The following ABCA4 variants were observed in gnomAD, a reference collection of about 807,000 sequenced individuals.
ABCA4 encodes the protein retinal-specific phospholipid-transporting ATPase ABCA4.
ABCA4 carries 196 observed loss-of-function variants against 263.7 expected under a neutral mutation model. The observed-to-expected ratio is 0.74, with a 90% confidence interval of 0.66 to 0.84. The LOEUF is 0.84. Among genes scored for constraint, ABCA4 ranks in the 40% least tolerant of loss-of-function variants. ABCA4 has a pLI of 0.00. For missense variants in ABCA4, 2,792 were observed against 2,855.1 expected (o/e 0.98, Z 0.50); for synonymous variants, 1,133 against 1,094.2 (o/e 1.04, Z -0.70).
chr1:94,044,885 G>A (rs1287490665), intron 19 of ABCA4, 141 bp from the exon 20 acceptor site: 3 of 1,323,920 alleles, frequency 2.3e-6, no homozygotes, highest in African/African-American at 2.9e-5. Context: ...CCTATTAGCT[G>A]TGGGGCCCCC....
chr1:94,046,796 T>C, intron 19 of ABCA4, 123 bp downstream of exon 19: 2 of 1,239,942 alleles, frequency 1.6e-6, no homozygotes, highest in Non-Finnish European at 2.3e-6. Flanking sequence ...TTACACATTT[T>C]TGGGGCCGCA....
At chr1:94,116,958 TTCTTTCTTTC>T (rs769221972) in intron 1 of ABCA4, among the ~76,000 whole-genome samples, 1,781 of 127,648 alleles carry the variant, frequency 0.014, 28 homozygotes, top group East Asian at 0.064. Flanking sequence ...CCTCCCTCCT[TTCTTTCTTTC>T]TCTTTCTTTC....
In ABCA4 at chr1:94,007,672, G is replaced by A; in HGVS notation, c.5967C>T (p.Thr1989=). The change falls in exon 43 of 50, where the codon ACC becomes ACT. Residue 1989 remains threonine, a synonymous_variant. Coordinates refer to ENST00000370225, the MANE Select transcript of ABCA4 (RefSeq NM_000350.3). ...CGGTGGCATCCCCTGAGGTCACTGTGGTGTCCCCAGTGAGCATCTTGAATG... is the reference window on the plus strand; with the variant it reads ...CGGTGGCATCCCCTGAGGTCACTGTAGTGTCCCCAGTGAGCATCTTGAATG... ...TTTFKMLTGD[T]TVTSGDATVA... is the part of the protein sequence containing the mutation. 2 of 1,614,058 alleles carry A rather than the reference G, an allele frequency of 1.2e-6. No individual in the cohort carries two copies. The highest frequency in any genetic ancestry group is 1.7e-6 in the Non-Finnish European group (2 of 1,180,026).
chr1:94,074,212 A>G lies in ABCA4; in HGVS notation c.1554+3478T>C, dbSNP rs555801886. 3.3e-4 allele frequency among the ~76,000 whole-genome samples: 51 copies of G among 152,318 alleles called. No homozygotes were observed. In the East Asian group the frequency reaches 9.4e-3, roughly 28 times the overall value. ...ACAGAGGCTTCAGAAATAGCACCAC[A>G]CATCTACAACCACCTGATCTTTGCC... On this transcript the variant is annotated intron_variant, in intron 11 of 49. Coordinates refer to ENST00000370225, the MANE Select transcript of ABCA4 (RefSeq NM_000350.3).
intron 6 of ABCA4, among the ~76,000 whole-genome samples, chr1:94,096,233 C>T (rs1662122028): frequency 6.6e-6 from 1 of 152,210 alleles, no homozygotes; most frequent in Non-Finnish European, 1.5e-5. Flanking sequence ...CCTAGGCCAG[C>T]TGACTCAGAA....
intron 17 of ABCA4, among the ~76,000 whole-genome samples, chr1:94,050,790 GA>G (rs1239865584): frequency 6.6e-6 from 1 of 150,984 alleles, no homozygotes; most frequent in Admixed American, 6.6e-5. Flanking sequence ...AAGAAAAAAA[GA>G]AAAAAAAAGA....
At chr1:93,996,048 C>T in intron 49 of ABCA4, 61 bp downstream of exon 49, 1 of 1,497,610 alleles carries the variant, frequency 6.7e-7, no homozygotes, top group South Asian at 1.1e-5. Flanking sequence ...CCCAGTGAAC[C>T]AGCTGGGCTC....
At chr1:94,017,829 T>G (rs1406894891) in intron 36 of ABCA4, among the ~76,000 whole-genome samples, 1 of 152,236 alleles carries the variant, frequency 6.6e-6, no homozygotes, top group Non-Finnish European at 1.5e-5. Context: ...CTTGTGACTT[T>G]TCCATAAGTC....
intron 8 of ABCA4, among the ~76,000 whole-genome samples, 190 bp from the exon 9 acceptor site, chr1:94,079,651 T>C (rs775979719): frequency 6.6e-6 from 1 of 152,170 alleles, no homozygotes; most frequent in Non-Finnish European, 1.5e-5. Flanking sequence ...ACAGTGACTC[T>C]CAGTAATGGC....
Position 94,054,632 on chromosome 1 carries a change from G to A in ABCA4, c.2587+479C>T, listed in dbSNP as rs534216842. 2.0e-5 allele frequency among the ~76,000 whole-genome samples: 3 copies of A among 152,316 alleles called. No homozygotes were observed. The South Asian group carries it at 6.2e-4, about 32-fold the overall frequency. On this transcript the variant is annotated intron_variant, in intron 16 of 49. Transcript: ENST00000370225. ...GTATTAAACAGTCAGTAAGGAGGCC[G>A]ACGTGGCTGGAGCAGAGGAACATGG...
At chr1:94,025,328 C>T (rs1031057623) in intron 30 of ABCA4, among the ~76,000 whole-genome samples, 5 of 152,168 alleles carry the variant, frequency 3.3e-5, no homozygotes, top group African/African-American at 1.2e-4. Flanking sequence ...CCACGCTACC[C>T]AAGCCACCAC....
Position 94,080,502 on chromosome 1 carries a change from T to A in ABCA4, c.1075A>T (p.Ile359Phe). Residue 359 changes from isoleucine to phenylalanine, a missense_variant, in exon 8 of 50, where the codon ATC becomes TTC. Transcript: ENST00000370225. ...LGIDSTRKDPIYSYDRRTTSF... is the reference protein window; with the variant it reads ...LGIDSTRKDPFYSYDRRTTSF... The stretch of plus-strand genomic sequence containing the variant: ...CTTGTTCTTCTGTCATAAGAATAGA[T>A]AGGATCCTTCCTTGTGGAGTCAATC... 6.2e-7 allele frequency: 1 copy of A among 1,614,202 alleles called. No homozygotes were observed.
Position 94,079,602 on chromosome 1 carries a change from C to T in ABCA4, c.1100-141G>A, listed in dbSNP as rs1367343015. On this transcript the variant is annotated intron_variant, in intron 8 of 49. Coordinates refer to ENST00000370225, the MANE Select transcript of ABCA4 (RefSeq NM_000350.3). ...GAATAACCTAAATTAATAGGCTGTA[C>T]CCCACCAATAACAAGCTCATCATTA... 6.4e-6 allele frequency: 8 copies of T among 1,243,312 alleles called. No homozygotes were observed. The East Asian group carries it at 1.7e-4, about 27-fold the overall frequency. 77.0% of individuals were successfully genotyped at this position (1,243,312 alleles called of 1,614,324 possible).
chr1:94,080,855 AGCTGC>A, intron 7 of ABCA4, 137 bp from the exon 8 acceptor site: 3 of 1,356,986 alleles, frequency 2.2e-6, no homozygotes, highest in Admixed American at 2.0e-5. Context: ...TCCTTAATCC[AGCTGC>A]GAAAAACAAA....
rs200753584 is a variant in ABCA4 at position 94,032,017 on chromosome 1, C to T, written c.3889G>A (p.Val1297Ile). Reference sequence around the variant, plus strand: ...CCCAAGCAGGGGTGTCGGGGGTTGACGTTTTCTCTTTTCTGCTGAGCGCCA... The same window carrying T: ...CCCAAGCAGGGGTGTCGGGGGTTGATGTTTTCTCTTTTCTGCTGAGCGCCA... ...AGGAQQKREN[V>I]NPRHPCLGPR... Residue 1297 changes from valine (V) to isoleucine (I), a missense_variant, in exon 27 of 50, where the codon GTC (valine) becomes ATC (isoleucine). Coordinates refer to ENST00000370225, the MANE Select transcript of ABCA4 (RefSeq NM_000350.3). 5.7e-5 allele frequency: 92 copies of T among 1,612,984 alleles called. 1 individual carries two copies. In the Admixed American group the frequency reaches 7.7e-4, roughly 13 times the overall value.
Position 94,030,999 on chromosome 1 carries a change from A to G in ABCA4, c.4250T>C (p.Phe1417Ser). 6.2e-7 allele frequency: 1 copy of G among 1,614,018 alleles called. No homozygotes were observed. Among genetic ancestry groups the G allele is most frequent in the East Asian group, 2.2e-5 (1 of 44,868 alleles). ...PWIYGQQYTF[F>S]SMDEPGSEQF... Reference sequence around the variant, plus strand: ...TGGTGACCCCGAGTCCGCGCACCTGAAGAAGGTGTACTGCTGCCCATATAT... The same window carrying G: ...TGGTGACCCCGAGTCCGCGCACCTGGAGAAGGTGTACTGCTGCCCATATAT... The change falls in exon 28 of 50, where the codon TTC (phenylalanine) becomes TCC (serine). Residue 1417 changes from phenylalanine (F) to serine (S), a missense_variant. Phe to Ser is a radical substitution (Grantham distance 155, BLOSUM62 -2). Coordinates refer to ENST00000370225, the MANE Select transcript of ABCA4 (RefSeq NM_000350.3).
chr1:94,022,288 C>T (rs1009014950), intron 32 of ABCA4, among the ~76,000 whole-genome samples: 1 of 152,214 alleles, frequency 6.6e-6, no homozygotes, highest in Non-Finnish European at 1.5e-5. Context: ...CTGCATGTCT[C>T]TGCCTTTGCA....
chr1:94,029,454 C>A lies in ABCA4; in HGVS notation c.4530G>T (p.Pro1510=). The change falls in exon 30 of 50, where the codon CCG becomes CCT. Residue 1510 remains proline, a synonymous_variant. Coordinates refer to ENST00000370225, the MANE Select transcript of ABCA4 (RefSeq NM_000350.3). The part of the protein sequence containing the change: ...PECPEGAGGL[P]PPQRTQRSTE... ...TTTGGAGGTCAGGTACCTGGGGGGG[C>A]GGGAGGCCCCCGGCACCCTCGGGGC... 6.4e-7 allele frequency: 1 copy of A among 1,551,880 alleles called. No homozygotes were observed. Among genetic ancestry groups the A allele is most frequent in the Non-Finnish European group, 8.7e-7 (1 of 1,147,418 alleles).
At chr1:94,057,203 T>G (rs776283950) in intron 14 of ABCA4, among the ~76,000 whole-genome samples, 1 of 152,204 alleles carries the variant, frequency 6.6e-6, no homozygotes, top group Non-Finnish European at 1.5e-5. Context: ...TTCTTTGTCT[T>G]GCTTCCCTAC....
Sources: allele counts gnomAD v4.1 joint callset (sites outside exome capture counted in the v4.1 genomes callset), GRCh38; gene constraint gnomAD v4.1.1; transcripts MANE v1.5; gene names NCBI Gene and HGNC (gene_info 2026-07-23, HGNC 2026-07-21).